CADM2: variants seen among roughly 807,000 people sequenced by gnomAD.
CADM2 encodes the protein cell adhesion molecule 2, also known as immunoglobulin superfamily member 4D.
In CADM2, 12 loss-of-function variants were observed where a neutral mutation model predicts 49.8. The ratio of observed to expected loss-of-function variants is 0.24; its 90% confidence interval spans 0.15 to 0.39. The LOEUF is 0.39. CADM2 is among the 10% of genes least tolerant of loss of function. The pLI, the probability that CADM2 is intolerant of heterozygous loss-of-function variation, is 1.00. For synonymous variants in CADM2, 214 were observed against 175.4 expected, an observed-to-expected ratio of 1.22 and a Z score of -1.74; for missense variants, 378 against 492.3, an observed-to-expected ratio of 0.77 and a Z score of 2.20.
intron 1 of CADM2, among the ~76,000 whole-genome samples, chr3:85,383,330 GTTTTC>G (rs1172414963): frequency 6.6e-6 from 1 of 151,894 alleles, no homozygotes; most frequent in African/African-American, 2.4e-5. Flanking sequence ...TTTGTCTGAA[GTTTTC>G]TTTTAACAGT....
At position 85,866,396 on chromosome 3, in the gene CADM2, C is replaced by T. The variant is rs561875036; in HGVS notation, c.239-16895C>T. On this transcript the variant is annotated intron_variant, in intron 3 of 9. Coordinates refer to ENST00000383699, the MANE Select transcript of CADM2 (RefSeq NM_001167675.2). The stretch of plus-strand genomic sequence containing the variant: ...AGGTTTCAGTCACTCACTGGCCTAA[C>T]TCCATATTCAAAGTTTCTAGAACAG... 4.9e-4 allele frequency among the ~76,000 whole-genome samples: 74 copies of T among 152,250 alleles called. 1 individual carries two copies. In the South Asian group the frequency reaches 0.015, roughly 30 times the overall value.
chr3:86,050,543 T>C (rs907720837), intron 8 of CADM2, among the ~76,000 whole-genome samples: 1 of 152,182 alleles, frequency 6.6e-6, no homozygotes, highest in Non-Finnish European at 1.5e-5. Context: ...TGCACTGCCC[T>C]AGTAGAGGTT....
At chr3:85,388,925 A>G (rs1009887661) in intron 1 of CADM2, among the ~76,000 whole-genome samples, 3 of 152,182 alleles carry the variant, frequency 2.0e-5, no homozygotes, top group Non-Finnish European at 2.9e-5. Context: ...AAAACAAAAT[A>G]TATTTTAATG....
intron 1 of CADM2, among the ~76,000 whole-genome samples, chr3:85,297,384 G>C (rs553548971): frequency 6.6e-6 from 1 of 152,162 alleles, no homozygotes; most frequent in African/African-American, 2.4e-5. Context: ...TAAATAGCTA[G>C]AGGTAGAGAG....
intron 1 of CADM2, among the ~76,000 whole-genome samples, chr3:85,630,274 T>G (rs2064267367): frequency 6.6e-6 from 1 of 151,990 alleles, no homozygotes; most frequent in African/African-American, 2.4e-5. Flanking sequence ...GATCTCATCA[T>G]GGTGAATTTC....
At chr3:85,759,163 T>C (rs2069255780) in intron 2 of CADM2, among the ~76,000 whole-genome samples, 1 of 152,086 alleles carries the variant, frequency 6.6e-6, no homozygotes, top group South Asian at 2.1e-4. Context: ...CTCATCTTCC[T>C]TTTTATCATG....
chr3:85,772,800 T>C lies in CADM2; in HGVS notation c.89-29247T>C, dbSNP rs571210350. On this transcript the variant is annotated intron_variant, in intron 2 of 9. Coordinates refer to ENST00000383699, the MANE Select transcript of CADM2 (RefSeq NM_001167675.2). ...GTCTAGAACAGAAGCTATGTTTTCT[T>C]TTTTTTTTTTCCCTCACAGCTGCTG... 5.0e-4 allele frequency among the ~76,000 whole-genome samples: 55 copies of C among 109,048 alleles called. 1 individual carries two copies. The highest frequency in any genetic ancestry group is 2.3e-3 in the South Asian group (9 of 3,848). 71.5% of individuals were successfully genotyped at this position (109,048 alleles called of 152,430 possible).
At chr3:85,224,750 C>A (rs779952634) in intron 1 of CADM2, among the ~76,000 whole-genome samples, 9 of 152,142 alleles carry the variant, frequency 5.9e-5, no homozygotes, top group Non-Finnish European at 2.9e-5. Context: ...ATGTTTAAGT[C>A]TTTAATCCAT....
intron 7 of CADM2, among the ~76,000 whole-genome samples, chr3:85,960,935 T>C (rs1157475290): frequency 6.7e-6 from 1 of 148,232 alleles, no homozygotes. Flanking sequence ...ATTTTATATG[T>C]ATTTGTATGT....
At chr3:85,380,968 A>G (rs960554281) in intron 1 of CADM2, among the ~76,000 whole-genome samples, 3 of 152,066 alleles carry the variant, frequency 2.0e-5, no homozygotes, top group Non-Finnish European at 4.4e-5. Context: ...AGGGAAGAAT[A>G]TGAGCTTCCA....
intron 1 of CADM2, among the ~76,000 whole-genome samples, chr3:85,431,228 T>C (rs1046041237): frequency 6.6e-6 from 1 of 152,140 alleles, no homozygotes; most frequent in African/African-American, 2.4e-5. Flanking sequence ...TATCTAGTTT[T>C]ATGTAAGAAC....
chr3:86,013,123 C>A, intron 8 of CADM2: 1 of 1,347,964 alleles, frequency 7.4e-7, no homozygotes, highest in Non-Finnish European at 1.1e-6. Context: ...GTCATTTGAA[C>A]AAACCACGTA....
At chr3:85,514,648 C>A (rs1559880123) in intron 1 of CADM2, among the ~76,000 whole-genome samples, 1 of 151,990 alleles carries the variant, frequency 6.6e-6, no homozygotes, top group East Asian at 1.9e-4. Flanking sequence ...ATCTTGTGAC[C>A]TTTTCTATGC....
chr3:85,734,934 C>A (rs71626890), intron 2 of CADM2, among the ~76,000 whole-genome samples: 26,741 of 150,558 alleles, frequency 0.18, 2,968 homozygotes, highest in Non-Finnish European at 0.24. Context: ...TTCTTATCAT[C>A]TTTATTTGTT....
intron 1 of CADM2, among the ~76,000 whole-genome samples, chr3:85,168,586 A>G (rs2040534014): frequency 6.6e-6 from 1 of 152,194 alleles, no homozygotes; most frequent in Non-Finnish European, 1.5e-5. Flanking sequence ...AGACATGTTC[A>G]TACTGATTAT....
chr3:86,001,325 T>A (rs1730168333), intron 8 of CADM2, among the ~76,000 whole-genome samples: 1 of 152,132 alleles, frequency 6.6e-6, no homozygotes, highest in African/African-American at 2.4e-5. Flanking sequence ...GTAGTACATA[T>A]AATTGATCCA....
At chr3:85,215,973 G>A (rs1470031627) in intron 1 of CADM2, among the ~76,000 whole-genome samples, 1 of 152,062 alleles carries the variant, frequency 6.6e-6, no homozygotes, top group Non-Finnish European at 1.5e-5. Flanking sequence ...TGGTACATGT[G>A]ATTCAAGACT....
intron 1 of CADM2, among the ~76,000 whole-genome samples, chr3:85,627,240 C>G (rs146241655): frequency 8.9e-4 from 136 of 151,960 alleles, no homozygotes; most frequent in African/African-American, 3.1e-3. Context: ...AGTGAGTTTC[C>G]CGACTCTGGC....
intron 1 of CADM2, among the ~76,000 whole-genome samples, chr3:85,378,227 C>A (rs2033703722): frequency 6.6e-6 from 1 of 151,982 alleles, no homozygotes; most frequent in African/African-American, 2.4e-5. Flanking sequence ...CTTACTTGGA[C>A]CAGGTCTCTG....
Sources: gnomAD v4.1 joint callset for allele counts (sites outside exome capture counted in the v4.1 genomes callset) on GRCh38, gnomAD v4.1.1 for gene constraint, MANE v1.5 for transcripts, NCBI Gene and HGNC (gene_info 2026-07-23, HGNC 2026-07-21) for gene names.